Variants in EGFLAM observed in about 807,000 individuals in gnomAD.
The protein encoded by EGFLAM is pikachurin.
Under a neutral mutation model 113.1 loss-of-function variants are expected in EGFLAM, and 79 were observed. The ratio of observed to expected loss-of-function variants is 0.70; its 90% CI spans 0.58 to 0.84. EGFLAM has a LOEUF of 0.84. Among genes scored for constraint, EGFLAM ranks in the 40% least tolerant of loss-of-function variants. The pLI, the probability that EGFLAM is intolerant of heterozygous loss-of-function variation, is 0.00. For synonymous variants in EGFLAM, 504 were observed against 487.6 expected (o/e 1.03, Z -0.44); for missense variants, 1,265 against 1,291.6 (o/e 0.98, Z 0.32).
chr5:38,403,933 G>T, intron 6 of EGFLAM: 5 of 1,613,398 alleles, frequency 3.1e-6, no homozygotes, highest in Non-Finnish European at 4.2e-6. Flanking sequence ...CAGTTGACAG[G>T]TGGACTACTT....
Position 38,339,095 on chromosome 5 carries a change from GT to G in EGFLAM, c.291+322del, listed in dbSNP as rs1180798925. The stretch of plus-strand genomic sequence containing the variant: ...TCTTTTCTTCATAAAGTTCAGTTCT[GT>G]TTTTTTTAATCCCAATAAAAGCTTT... On this transcript the variant is annotated intron_variant, in intron 3 of 21. Transcript: ENST00000322350. Among the ~76,000 whole-genome samples the G allele has an allele frequency of 4.6e-5, 7 of 151,782 alleles. 1 individual carries two copies. Among genetic ancestry groups the G allele is most frequent in the South Asian group, 4.2e-4 (2 of 4,800 alleles).
chr5:38,268,676 T>C (rs1316332886), intron 1 of EGFLAM, among the ~76,000 whole-genome samples: 3 of 152,226 alleles, frequency 2.0e-5, no homozygotes, highest in Non-Finnish European at 4.4e-5. Context: ...GCTTTTGTTG[T>C]AGTGTACAAC....
At chr5:38,307,279 CCAAAT>C (rs549526469) in intron 1 of EGFLAM, among the ~76,000 whole-genome samples, 56 of 152,254 alleles carry the variant, frequency 3.7e-4, no homozygotes, top group Non-Finnish European at 6.6e-4. Flanking sequence ...GTGTCCCCAC[CCAAAT>C]CTCATCTTGA....
chr5:38,349,797 A>G (rs1160329029), intron 3 of EGFLAM, among the ~76,000 whole-genome samples: 2 of 151,334 alleles, frequency 1.3e-5, no homozygotes, highest in East Asian at 3.9e-4. Context: ...ACACACACAC[A>G]CACACACACA....
intron 14 of EGFLAM, among the ~76,000 whole-genome samples, chr5:38,428,954 G>A (rs1742101918): frequency 6.6e-6 from 1 of 152,190 alleles, no homozygotes. Flanking sequence ...CCCCTCCTGA[G>A]CGTAAGCTAA....
At chr5:38,348,797 G>A (rs1281746002) in intron 3 of EGFLAM, among the ~76,000 whole-genome samples, 1 of 152,028 alleles carries the variant, frequency 6.6e-6, no homozygotes, top group East Asian at 1.9e-4. Flanking sequence ...TGGATCTAGG[G>A]GGATCAGGAC....
chr5:38,303,124 T>G (rs888926927), intron 1 of EGFLAM, among the ~76,000 whole-genome samples: 1 of 151,986 alleles, frequency 6.6e-6, no homozygotes, highest in African/African-American at 2.4e-5. Flanking sequence ...GTCCTTGGGA[T>G]TTACCCAGCA....
chr5:38,358,175 G>A (rs1248754405), intron 5 of EGFLAM, among the ~76,000 whole-genome samples: 1 of 151,786 alleles, frequency 6.6e-6, no homozygotes, highest in Non-Finnish European at 1.5e-5. Context: ...GCCGGGCGTG[G>A]TGGCTCATGC....
intron 1 of EGFLAM, among the ~76,000 whole-genome samples, chr5:38,271,636 C>G (rs1340236932): frequency 6.6e-5 from 10 of 152,196 alleles, no homozygotes; most frequent in African/African-American, 2.4e-4. Context: ...TATCTCTACC[C>G]AAGGAAACAC....
At chr5:38,291,064 A>T (rs1386009965) in intron 1 of EGFLAM, 1 of 151,870 alleles carries the variant, frequency 6.6e-6, no homozygotes, top group Non-Finnish European at 1.5e-5. Context: ...TCAGCCTGAC[A>T]GAGCGAGACT....
chr5:38,371,560 A>T (rs1038856778), intron 6 of EGFLAM, among the ~76,000 whole-genome samples: 1 of 152,038 alleles, frequency 6.6e-6, no homozygotes, highest in African/African-American at 2.4e-5. Context: ...CCTTTTGTCA[A>T]ATTAAATTGT....
chr5:38,451,127 G>A (rs1742898895), intron 18 of EGFLAM, among the ~76,000 whole-genome samples, 188 bp from the exon 19 acceptor site: 1 of 152,206 alleles, frequency 6.6e-6, no homozygotes, highest in Admixed American at 6.5e-5. Flanking sequence ...CTTGGGGAGA[G>A]AGACTGCTGC....
chr5:38,424,400 G>GTAT (rs1156975821), intron 12 of EGFLAM, among the ~76,000 whole-genome samples: 1 of 152,164 alleles, frequency 6.6e-6, no homozygotes. Flanking sequence ...ATGTGCCAAT[G>GTAT]TATTATGGGG....
chr5:38,329,024 A>G (rs1305266140), intron 1 of EGFLAM, among the ~76,000 whole-genome samples: 1 of 152,088 alleles, frequency 6.6e-6, no homozygotes, highest in Non-Finnish European at 1.5e-5. Context: ...ACAGTGGCTC[A>G]TGCCGTAATC....
chr5:38,395,610 G>A lies in EGFLAM; in HGVS notation c.713-10516G>A, dbSNP rs577691257. ...ATTGAACCATGGTTGGTACTCAAAT[G>A]TGAAGCCACTTTAAGGAACAGAGAA... On this transcript the variant is annotated intron_variant, in intron 6 of 21. Transcript: ENST00000322350. Among the ~76,000 whole-genome samples, 6 of 152,218 alleles carry A rather than the reference G, an allele frequency of 3.9e-5. No individual in the cohort carries two copies. In the East Asian group the frequency reaches 1.2e-3, roughly 29 times the overall value.
intron 11 of EGFLAM, among the ~76,000 whole-genome samples, chr5:38,413,986 C>A (rs1317388465): frequency 6.6e-6 from 1 of 152,150 alleles, no homozygotes; most frequent in Non-Finnish European, 1.5e-5. Flanking sequence ...GAAGACGGAG[C>A]TCAGGCGGAG....
rs148229157 is a variant in EGFLAM at position 38,281,447 on chromosome 5, C to T, written c.97+22596C>T. Among the ~76,000 whole-genome samples, 188 of 151,906 alleles carry T rather than the reference C, an allele frequency of 1.2e-3. 2 individuals carry two copies. Among genetic ancestry groups the T allele is most frequent in the African/African-American group, 4.0e-3 (165 of 41,450 alleles). ...AAATATTGCATGGGACATATTTATACGAAAAAAGAAATCATTGTTTATCTG... is the reference window on the plus strand; with the variant it reads ...AAATATTGCATGGGACATATTTATATGAAAAAAGAAATCATTGTTTATCTG... On this transcript the variant is annotated intron_variant, in intron 1 of 21. Coordinates refer to ENST00000322350, the MANE Select transcript of EGFLAM (RefSeq NM_152403.4).
At chr5:38,335,996 G>A (rs1421621625) in intron 1 of EGFLAM, among the ~76,000 whole-genome samples, 1 of 152,092 alleles carries the variant, frequency 6.6e-6, no homozygotes, top group East Asian at 1.9e-4. Context: ...ACCATTACTC[G>A]TTTCTGTACT....
intron 1 of EGFLAM, among the ~76,000 whole-genome samples, chr5:38,289,931 C>A (rs922737634): frequency 6.6e-6 from 1 of 152,188 alleles, no homozygotes; most frequent in Non-Finnish European, 1.5e-5. Flanking sequence ...TAATGAATAG[C>A]CAATATTTGT....
Sources: allele counts gnomAD v4.1 joint callset (sites outside exome capture counted in the v4.1 genomes callset), GRCh38; gene constraint gnomAD v4.1.1; transcripts MANE v1.5; gene names NCBI Gene and HGNC (gene_info 2026-07-23, HGNC 2026-07-21).